SLC2A14: variants seen among roughly 807,000 people sequenced by gnomAD.
SLC2A14 encodes solute carrier family 2, facilitated glucose transporter member 14.
Under a neutral mutation model 43.0 loss-of-function variants are expected in SLC2A14, and 13 were observed. The observed-to-expected ratio is 0.30, with a 90% CI of 0.20 to 0.48. The LOEUF (loss-of-function observed/expected upper bound fraction) is 0.48, where lower values mean the gene tolerates loss of function less well. SLC2A14 is among the 20% of genes least tolerant of loss of function. The pLI is 0.99. For missense variants in SLC2A14, 428 were observed against 620.4 expected, an observed-to-expected ratio of 0.69 and a Z score of 3.29; for synonymous variants, 190 against 233.8, an observed-to-expected ratio of 0.81 and a Z score of 1.71.
upstream of SLC2A14, among the ~76,000 whole-genome samples, chr12:7,874,734 TATAAAA>T (rs367663773): frequency 0.86 from 106,775 of 124,538 alleles, 46,308 homozygotes; most frequent in Middle Eastern, 0.96. Flanking sequence ...ATAAAAAATA[TATAAAA>T]ATATATATAA....
rs772685779 is a variant in SLC2A14, at chr12:7,866,525, C to T, written c.18+3338G>A. Among the ~76,000 whole-genome samples, 103 of 152,066 alleles carry T rather than the reference C, an allele frequency of 6.8e-4. 2 individuals are homozygous for T. The highest frequency in any genetic ancestry group is 2.3e-3 in the African/African-American group (97 of 41,520). On this transcript the variant is annotated intron_variant, in intron 2 of 10. Coordinates refer to ENST00000431042, the MANE Select transcript of SLC2A14 (RefSeq NM_001286234.2). ...AACTATAGGCGCCTGCCACCACGCCCAGCTAATTTTTATATTTTTTAGTAG... is the reference window on the plus strand; with the variant it reads ...AACTATAGGCGCCTGCCACCACGCCTAGCTAATTTTTATATTTTTTAGTAG...
chr12:7,878,323 T>A (rs906643452), upstream of SLC2A14, among the ~76,000 whole-genome samples: 1 of 152,060 alleles, frequency 6.6e-6, no homozygotes, highest in Non-Finnish European at 1.5e-5. Context: ...AGTGCTGAGA[T>A]CACAGGTGTC....
chr12:7,883,191 A>T (rs1255388123), intron 1 of SLC2A14, among the ~76,000 whole-genome samples: 1 of 151,940 alleles, frequency 6.6e-6, no homozygotes, highest in Non-Finnish European at 1.5e-5. Context: ...TCTGGGTGAC[A>T]AAAGCAAGTC....
intron 2 of SLC2A14, among the ~76,000 whole-genome samples, chr12:7,857,120 C>T (rs1053669398): frequency 5.3e-5 from 8 of 151,814 alleles, no homozygotes; most frequent in Admixed American, 2.0e-4. Flanking sequence ...TGTGGTGGCA[C>T]GTGCCTGTAG....
intron 1 of SLC2A14, among the ~76,000 whole-genome samples, chr12:7,884,866 G>A (rs1376279125): frequency 6.6e-6 from 1 of 151,644 alleles, no homozygotes; most frequent in East Asian, 1.9e-4. Context: ...TTTACATTGG[G>A]TCAAAGATCC....
At chr12:7,830,833 TCAGTTTTCAGCCAGG>T in intron 4 of SLC2A14, among the ~76,000 whole-genome samples, 1 of 152,082 alleles carries the variant, frequency 6.6e-6, no homozygotes, top group East Asian at 1.9e-4. Flanking sequence ...ATAAGAAGAT[TCAGTTTTCAGCCAGG>T]CACAGTGGCT....
chr12:7,856,210 G>T (rs1867358866), intron 2 of SLC2A14: 1 of 152,098 alleles, frequency 6.6e-6, no homozygotes, highest in Admixed American at 6.6e-5. Context: ...CAGGTAGTTG[G>T]GAGGCTTAGG....
At chr12:7,883,263 C>CTTTT (rs372464881) in intron 1 of SLC2A14, among the ~76,000 whole-genome samples, 156 of 108,342 alleles carry the variant, frequency 1.4e-3, no homozygotes, top group Non-Finnish European at 1.6e-3. Flanking sequence ...TTCTTTCTTT[C>CTTTT]TTTTTTTTTT....
At chr12:7,881,623 C>T (rs2121107947) in intron 1 of SLC2A14, among the ~76,000 whole-genome samples, 1 of 152,264 alleles carries the variant, frequency 6.6e-6, no homozygotes, top group East Asian at 1.9e-4. Context: ...GCTCCACGCG[C>T]CCAGTCCCAT....
At chr12:7,814,603 A>G in intron 10 of SLC2A14, 69 bp from the exon 11 acceptor site, 1 of 1,501,938 alleles carries the variant, frequency 6.7e-7, no homozygotes, top group South Asian at 1.2e-5. Flanking sequence ...AATTTCCTTC[A>G]CATTCATATT....
rs201175946 is a variant in SLC2A14, at chr12:7,827,460, G to T, written c.864+35C>A. On this transcript the variant is annotated intron_variant, in intron 7 of 10. Coordinates refer to ENST00000431042, the MANE Select transcript of SLC2A14 (RefSeq NM_001286234.2). ...TGCCTGGCATTTTAAGTGAAATATT[G>T]TAAGACACGTTTGACCCTAAAGTAT... The T allele has an allele frequency of 3.1e-3, 4,931 of 1,597,658 alleles. 158 individuals are homozygous for T. The East Asian group carries it at 0.048, about 15-fold the overall frequency.
intron 2 of SLC2A14, among the ~76,000 whole-genome samples, chr12:7,835,592 T>A (rs1865385224): frequency 6.6e-6 from 1 of 152,242 alleles, no homozygotes; most frequent in African/African-American, 2.4e-5. Flanking sequence ...AATCCTAGTT[T>A]CATGCAGCTT....
intron 2 of SLC2A14, among the ~76,000 whole-genome samples, chr12:7,847,296 T>C (rs953776824): frequency 6.6e-6 from 1 of 152,106 alleles, no homozygotes; most frequent in Non-Finnish European, 1.5e-5. Context: ...GTGGCTGATC[T>C]GAGTACAGTG....
At chr12:7,870,221 G>A (rs746452401) in intron 1 of SLC2A14, among the ~76,000 whole-genome samples, 2 of 152,036 alleles carry the variant, frequency 1.3e-5, no homozygotes, top group Non-Finnish European at 2.9e-5. Context: ...CCTATATTTT[G>A]AGTTGTTTCT....
At chr12:7,871,259 C>T (rs1298834742) in intron 1 of SLC2A14, 4 of 1,201,790 alleles carry the variant, frequency 3.3e-6, no homozygotes, top group Non-Finnish European at 3.2e-6. Context: ...GACAGCTTCA[C>T]AGATGAAGAA....
At chr12:7,860,861 C>T (rs7965853) in intron 2 of SLC2A14, 40,805 of 151,772 alleles carry the variant, frequency 0.27, 5,921 homozygotes, top group Middle Eastern at 0.34. Context: ...GGCGCAATCT[C>T]AGCTCACTGC....
intron 2 of SLC2A14, among the ~76,000 whole-genome samples, chr12:7,855,183 C>T (rs150009841): frequency 2.0e-5 from 3 of 152,240 alleles, no homozygotes; most frequent in Admixed American, 1.3e-4. Flanking sequence ...CCCAGAGTAA[C>T]CCCTTGATTC....
intron 2 of SLC2A14, among the ~76,000 whole-genome samples, chr12:7,841,984 A>G (rs1337818552): frequency 6.6e-6 from 1 of 151,816 alleles, no homozygotes; most frequent in Non-Finnish European, 1.5e-5. Flanking sequence ...CAGCCTGGGC[A>G]ACAAGAGCGA....
upstream of SLC2A14, among the ~76,000 whole-genome samples, chr12:7,877,970 T>A (rs1945491923): frequency 6.6e-6 from 1 of 152,154 alleles, no homozygotes; most frequent in Non-Finnish European, 1.5e-5. Flanking sequence ...CTCGAACTCC[T>A]GAGCTCGTGA....
Sources: allele counts gnomAD v4.1 joint callset (sites outside exome capture counted in the v4.1 genomes callset), GRCh38; gene constraint gnomAD v4.1.1; transcripts MANE v1.5; gene names NCBI Gene and HGNC (gene_info 2026-07-23, HGNC 2026-07-21).